The following SCUBE3 variants were observed in gnomAD, a reference collection of about 807,000 sequenced individuals.
SCUBE3 encodes the protein signal peptide, CUB domain and EGF like domain containing 3, also known as signal peptide, CUB and EGF-like domain-containing protein 3.
Under a neutral mutation model 116.8 loss-of-function variants are expected in SCUBE3, and 33 were observed. That is an observed-to-expected ratio of 0.28 (90% CI 0.21 to 0.38). SCUBE3 has a LOEUF of 0.38. Ranked by LOEUF, SCUBE3 falls within the 10% of genes least tolerant of loss-of-function variation. The probability of loss-of-function intolerance (pLI) is 1.00; values close to 1 mark genes in which losing one functional copy is unlikely to be tolerated. For synonymous variants in SCUBE3, 418 were observed against 496.9 expected, an observed-to-expected ratio of 0.84 and a Z score of 2.11; for missense variants, 1,007 against 1,324.8, an observed-to-expected ratio of 0.76 and a Z score of 3.72.
rs1298124512 is a variant in SCUBE3 at position 35,228,984 on chromosome 6, G to A, written c.334+245G>A. Among the ~76,000 whole-genome samples the A allele has an allele frequency of 6.6e-6, 1 of 152,180 alleles. No homozygotes were observed. The highest frequency in any genetic ancestry group is 1.5e-5 in the Non-Finnish European group (1 of 68,030). ...CAAGGGCCAGGAGATGGGAATAGTG[G>A]GTTTAGCCAGTGGTGAGGCATGGTA... On this transcript the variant is annotated intron_variant, in intron 3 of 21. Transcript: ENST00000274938. This position sits in a 1 kb window ranked among gnomAD's most constrained non-coding sequence, Gnocchi z 4.9.
In SCUBE3 at chr6:35,233,541, C is replaced by G. The variant is rs923808073; in HGVS notation, c.712+240C>G. 6.6e-6 allele frequency among the ~76,000 whole-genome samples: 1 copy of G among 152,196 alleles called. No individual in the cohort carries two copies. The highest frequency in any genetic ancestry group is 2.4e-5 in the African/African-American group (1 of 41,442). ...GGTTTTACCACCCTGTTCCAGGAGC[C>G]TCACCACCCTCTTCATCCCAGGACA... On this transcript the variant is annotated intron_variant, in intron 6 of 21. Transcript: ENST00000274938. The surrounding 1 kb of genome is among the most constrained non-coding windows in gnomAD (Gnocchi z 5.7).
intron 1 of SCUBE3, among the ~76,000 whole-genome samples, chr6:35,225,901 TCAC>T (rs748124891): frequency 1.2e-4 from 19 of 152,322 alleles, no homozygotes; most frequent in Non-Finnish European, 2.2e-4. Context: ...GGCCCATAGA[TCAC>T]ACTTGGATAT....
chr6:35,235,492 T>C lies in SCUBE3; in HGVS notation c.712+2191T>C, dbSNP rs1282729124. 1 of 1,282,256 alleles carries C rather than the reference T, an allele frequency of 7.8e-7. No individual in the cohort carries two copies. Among genetic ancestry groups the C allele is most frequent in the East Asian group, 5.6e-5 (1 of 17,982 alleles). The allele number at this position is 1,282,256 out of a possible 1,614,324, so 79.4% of individuals were successfully genotyped here. A position where few individuals can be genotyped will look rare whatever the true frequency, so the allele number is the denominator to read the frequency against. ...ACATCCCCACTCAAGCCGTTTCTAA[T>C]GGTAAATATGTCTGCTCTCTCCGCT... is the stretch of plus-strand genomic sequence containing the variant. On this transcript the variant is annotated intron_variant, in intron 6 of 21. Transcript: ENST00000274938. This position sits in a 1 kb window ranked among gnomAD's most constrained non-coding sequence, Gnocchi z 4.5.
chr6:35,226,284 C>T (rs992798025), intron 1 of SCUBE3, among the ~76,000 whole-genome samples: 4 of 152,266 alleles, frequency 2.6e-5, no homozygotes, highest in African/African-American at 9.6e-5. Context: ...AGGGCATGTA[C>T]CACATTCTGC....
chr6:35,244,102 C>T lies in SCUBE3; in HGVS notation c.2211C>T (p.Ala737=). The T allele has an allele frequency of 4.3e-6, 7 of 1,613,942 alleles. No individual in the cohort carries two copies. Among genetic ancestry groups the T allele is most frequent in the Non-Finnish European group, 5.9e-6 (7 of 1,179,914 alleles). The change falls in exon 17 of 22, where the codon GCC becomes GCT. Residue 737 remains alanine, a synonymous_variant. Transcript: ENST00000274938. The surrounding 1 kb of genome is among the most constrained non-coding windows in gnomAD (Gnocchi z 4.3). ...GGGLTTKHEG[A]ISFQDCDTKV... is the part of the protein sequence containing the mutation. ...GCCTCACCACCAAGCATGAAGGGGC[C>T]ATTTCCTTCCAAGACTGTGACACCA...
intron 1 of SCUBE3, among the ~76,000 whole-genome samples, chr6:35,225,293 G>A (rs1380778960): frequency 1.3e-5 from 2 of 152,232 alleles, no homozygotes; most frequent in East Asian, 1.9e-4. Context: ...GGGTAGAGCT[G>A]GATTTGAATC....
Position 35,241,931 on chromosome 6 carries a change from C to T in SCUBE3, c.1417+21C>T. On this transcript the variant is annotated intron_variant, in intron 12 of 21. Transcript: ENST00000274938. The surrounding 1 kb of genome is among the most constrained non-coding windows in gnomAD (Gnocchi z 4.1). ...CCATGGTAAGCACCAGCCCAGAAGCCCTGTTCCCACCCTACTCTCTTACAT... is the reference window on the plus strand; with the variant it reads ...CCATGGTAAGCACCAGCCCAGAAGCTCTGTTCCCACCCTACTCTCTTACAT... 1.4e-6 allele frequency: 2 copies of T among 1,477,858 alleles called. No homozygotes were observed. Among genetic ancestry groups the T allele is most frequent in the Non-Finnish European group, 9.4e-7 (1 of 1,062,748 alleles). 91.5% of individuals were successfully genotyped at this position (1,477,858 alleles called of 1,614,324 possible).
In SCUBE3 at chr6:35,228,515, A is replaced by G. The variant is rs1783413195; in HGVS notation, c.209-99A>G. ...AAAAATGCTAAATGGCTTATAGGCCATGAACATAACTATGTAAACACAACC... is the reference window on the plus strand; with the variant it reads ...AAAAATGCTAAATGGCTTATAGGCCGTGAACATAACTATGTAAACACAACC... On this transcript the variant is annotated intron_variant, in intron 2 of 21. Transcript: ENST00000274938. This position sits in a 1 kb window ranked among gnomAD's most constrained non-coding sequence, Gnocchi z 4.9. The G allele has an allele frequency of 3.1e-6, 4 of 1,289,230 alleles. No individual in the cohort carries two copies. The highest frequency in any genetic ancestry group is 4.3e-6 in the Non-Finnish European group (4 of 919,550). The allele number at this position is 1,289,230 out of a possible 1,614,324, so 79.9% of individuals were successfully genotyped here.
chr6:35,246,695 G>A (rs1054820939), intron 21 of SCUBE3, among the ~76,000 whole-genome samples: 1 of 152,248 alleles, frequency 6.6e-6, no homozygotes, highest in Non-Finnish European at 1.5e-5. Flanking sequence ...CAGCAGATAG[G>A]CTGCGTGTGG....
At chr6:35,238,266 C>T (rs912804419) in intron 7 of SCUBE3, among the ~76,000 whole-genome samples, 1 of 152,164 alleles carries the variant, frequency 6.6e-6, no homozygotes, top group African/African-American at 2.4e-5. Context: ...TTCCTATCCC[C>T]CATGGGTCCC....
chr6:35,243,485 G>A lies in SCUBE3; in HGVS notation c.1910-109G>A. ...GTAGGATTGTGTTTGTTCCCTGACA[G>A]AGATTCTCCCTGAATCGGGGGTTGT... On this transcript the variant is annotated intron_variant, in intron 15 of 21. Transcript: ENST00000274938. The surrounding 1 kb of genome is among the most constrained non-coding windows in gnomAD (Gnocchi z 6.6). 1 of 1,112,964 alleles carries A rather than the reference G, an allele frequency of 9.0e-7. No individual in the cohort carries two copies. The highest frequency in any genetic ancestry group is 1.5e-5 in the African/African-American group (1 of 64,818). The allele number at this position is 1,112,964 out of a possible 1,614,324, so 68.9% of individuals were successfully genotyped here.
At chr6:35,226,703 C>T (rs921917170) in intron 1 of SCUBE3, among the ~76,000 whole-genome samples, 1 of 152,044 alleles carries the variant, frequency 6.6e-6, no homozygotes, top group Admixed American at 6.5e-5. Flanking sequence ...TGGTCTCGAA[C>T]TCCTGACCTC....
chr6:35,246,538 T>G (rs957333004), intron 21 of SCUBE3, among the ~76,000 whole-genome samples: 4 of 152,122 alleles, frequency 2.6e-5, no homozygotes, highest in Non-Finnish European at 4.4e-5. Context: ...ATATTACACC[T>G]TGGGGAAAAC....
chr6:35,242,458 ACC>A, intron 13 of SCUBE3, 138 bp downstream of exon 13: 1 of 899,240 alleles, frequency 1.1e-6, no homozygotes, highest in Non-Finnish European at 1.8e-6. Context: ...TAGGCATAGC[ACC>A]CAAGGAAGTC....
Position 35,245,871 on chromosome 6 carries a change from G to A in SCUBE3, c.2600-73G>A, listed in dbSNP as rs1003877980. The A allele has an allele frequency of 1.5e-5, 23 of 1,521,572 alleles. No individual in the cohort carries two copies. Among genetic ancestry groups the A allele is most frequent in the Non-Finnish European group, 2.1e-5 (23 of 1,109,540 alleles). 94.3% of individuals were successfully genotyped at this position (1,521,572 alleles called of 1,614,324 possible). On this transcript the variant is annotated intron_variant, in intron 19 of 21. Coordinates refer to ENST00000274938, the MANE Select transcript of SCUBE3 (RefSeq NM_152753.4). The surrounding 1 kb of genome is among the most constrained non-coding windows in gnomAD (Gnocchi z 4.2). The stretch of plus-strand genomic sequence containing the variant: ...TTGCCCTATACCCCCACCACCAGCT[G>A]TACAGCCCACGTTCTAGGAGGGCTT...
At position 35,245,840 on chromosome 6, in the gene SCUBE3, A is replaced by T; in HGVS notation, c.2600-104A>T. 1 of 1,215,802 alleles carries T rather than the reference A, an allele frequency of 8.2e-7. No homozygotes were observed. The highest frequency in any genetic ancestry group is 1.2e-6 in the Non-Finnish European group (1 of 854,048). The allele number at this position is 1,215,802 out of a possible 1,614,324, so 75.3% of individuals were successfully genotyped here. ...CGAAGGGGGAGCCTTTGTCAGAATG[A>T]TTCTCTTGCCCTATACCCCCACCAC... is the stretch of plus-strand genomic sequence containing the variant. On this transcript the variant is annotated intron_variant, in intron 19 of 21. Coordinates refer to ENST00000274938, the MANE Select transcript of SCUBE3 (RefSeq NM_152753.4). This position sits in a 1 kb window ranked among gnomAD's most constrained non-coding sequence, Gnocchi z 4.2.
chr6:35,242,637 C>T lies in SCUBE3; in HGVS notation c.1550C>T (p.Ser517Phe), dbSNP rs1784124210. 2.5e-6 allele frequency: 4 copies of T among 1,612,300 alleles called. No homozygotes were observed. In the East Asian group the frequency reaches 8.9e-5, roughly 36 times the overall value. The change falls in exon 14 of 22, where the codon TCT becomes TTT. Residue 517 changes from serine to phenylalanine, a missense_variant. By Grantham distance (155) the Ser-to-Phe change is radical. Around this residue, in one of 5 missense-constraint regions of SCUBE3, gnomAD observed 544 missense variants for 638.9 expected, o/e 0.85. Transcript: ENST00000274938. The stretch of plus-strand genomic sequence containing the variant: ...TCTCTCCCAGGTGGTGCCCCCTGCT[C>T]TGAATGCCAGGTCACCTTCATCCAC... ...RITGPGGAPC[S>F]ECQVTFIHLK... is the part of the protein sequence containing the mutation.
chr6:35,244,619 C>T lies in SCUBE3; in HGVS notation c.2240-31C>T, dbSNP rs1297736310. 1 of 1,604,136 alleles carries T rather than the reference C, an allele frequency of 6.2e-7. No homozygotes were observed. The highest frequency in any genetic ancestry group is 2.2e-5 in the East Asian group (1 of 44,784). ...CCCGTAACTCCCACCTGCCTACCAT[C>T]TTGATTCCTGCCCTTCTCCCTTGCC... On this transcript the variant is annotated intron_variant, in intron 17 of 21. Coordinates refer to ENST00000274938, the MANE Select transcript of SCUBE3 (RefSeq NM_152753.4). This position sits in a 1 kb window ranked among gnomAD's most constrained non-coding sequence, Gnocchi z 4.3.
rs1783573712 is a variant in SCUBE3, at chr6:35,232,018, C to G, written c.469+159C>G. 6.6e-6 allele frequency among the ~76,000 whole-genome samples: 1 copy of G among 152,194 alleles called. No individual in the cohort carries two copies. ...AATCACACCCTAAAGGATCTAGGAA[C>G]AGACACCCTGTTAGGGCAAAATCTG... On this transcript the variant is annotated intron_variant, in intron 4 of 21. Transcript: ENST00000274938. The surrounding 1 kb of genome is among the most constrained non-coding windows in gnomAD (Gnocchi z 4.2).
Sources: allele counts gnomAD v4.1 joint callset (sites outside exome capture counted in the v4.1 genomes callset), GRCh38; gene constraint gnomAD v4.1.1; regional missense constraint gnomAD v4.1.1; non-coding constraint Gnocchi (gnomAD v3.1); transcripts MANE v1.5; gene names NCBI Gene and HGNC (gene_info 2026-07-23, HGNC 2026-07-21).